Variants in TENM4 observed in about 807,000 individuals in gnomAD.
The protein encoded by TENM4 is teneurin transmembrane protein 4.
Under a neutral mutation model 243.3 loss-of-function variants are expected in TENM4, and 82 were observed. That is an observed-to-expected ratio of 0.34 (90% CI 0.28 to 0.40). TENM4 has a LOEUF of 0.40. TENM4 is among the 10% of genes least tolerant of loss of function. TENM4 has a pLI of 1.00. For synonymous variants in TENM4, 1,412 were observed against 1,456.3 expected (o/e 0.97, Z 0.69); for missense variants, 3,138 against 3,673.3 (o/e 0.85, Z 3.77).
In TENM4 at chr11:79,064,972, C is replaced by A. The variant is rs988547538; in HGVS notation, c.259G>T (p.Glu87Ter). ...NFTLRELGLE[E>*]VTPPHGTLYR... is the part of the protein sequence containing the mutation. ...AGGGTCCCGTGAGGGGGCGTTACTTCTTCCAGCCCCAGCTCCCGCAGGGTG... is the reference window on the plus strand; with the variant it reads ...AGGGTCCCGTGAGGGGGCGTTACTTATTCCAGCCCCAGCTCCCGCAGGGTG... The change falls in exon 6 of 34, where the codon GAA becomes TAA. Residue 87 changes from glutamate (E) to a stop codon, truncating the protein, a stop_gained. Transcript: ENST00000278550. LOFTEE classifies it high-confidence loss of function. The A allele has an allele frequency of 6.8e-7, 1 of 1,468,362 alleles. No homozygotes were observed. The highest frequency in any genetic ancestry group is 9.0e-7 in the Non-Finnish European group (1 of 1,105,208). The allele number at this position is 1,468,362 out of a possible 1,614,324, so 91.0% of individuals were successfully genotyped here.
intron 1 of TENM4, among the ~76,000 whole-genome samples, chr11:79,402,628 C>G (rs1858485642): frequency 6.6e-6 from 1 of 152,028 alleles, no homozygotes. Context: ...GAGGTCTGAT[C>G]CACCCCCTCC....
chr11:79,288,959 G>C (rs1164938871), intron 2 of TENM4, among the ~76,000 whole-genome samples: 2 of 152,128 alleles, frequency 1.3e-5, no homozygotes, highest in Non-Finnish European at 2.9e-5. Flanking sequence ...GTCAGAGCTT[G>C]GATGAAGTGT....
Position 78,805,281 on chromosome 11 carries a change from C to CACCCACCACCA in TENM4, c.2179+10_2179+11insTGGTGGTGGGT. On this transcript the variant is annotated intron_variant, in intron 15 of 33. Coordinates refer to ENST00000278550, the MANE Select transcript of TENM4 (RefSeq NM_001098816.3). ...TCCCTCTACCCATGCTTCTTCTCCCCCTGCATTTACCGATAGAACAGTCGT... is the reference window on the plus strand; with the variant it reads ...TCCCTCTACCCATGCTTCTTCTCCCCACCCACCACCACTGCATTTACCGATAGAACAGTCGT... The CACCCACCACCA allele has an allele frequency of 1.3e-6, 2 of 1,488,490 alleles. No individual in the cohort carries two copies. Among genetic ancestry groups the CACCCACCACCA allele is most frequent in the Non-Finnish European group, 9.1e-7 (1 of 1,097,812 alleles). 92.2% of individuals were successfully genotyped at this position (1,488,490 alleles called of 1,614,324 possible). A position where few individuals can be genotyped will look rare whatever the true frequency, so the allele number is the denominator to read the frequency against.
intron 6 of TENM4, among the ~76,000 whole-genome samples, chr11:79,010,920 G>T (rs910254872): frequency 2.2e-4 from 33 of 152,154 alleles, no homozygotes; most frequent in African/African-American, 7.5e-4. Context: ...GTCAGACTCT[G>T]CCCCTTACTA....
intron 2 of TENM4, among the ~76,000 whole-genome samples, chr11:79,294,719 G>C (rs950310059): frequency 6.6e-6 from 1 of 152,016 alleles, no homozygotes; most frequent in African/African-American, 2.4e-5. Context: ...GGTGGTGGCG[G>C]TTGCATGTAA....
chr11:79,118,242 G>A (rs1861661900), intron 4 of TENM4, among the ~76,000 whole-genome samples: 1 of 151,984 alleles, frequency 6.6e-6, no homozygotes, highest in African/African-American at 2.4e-5. Flanking sequence ...ATAAGAATAT[G>A]GTTATGAAAG....
rs373584472 is a variant in TENM4 at position 78,676,189 on chromosome 11, G to C, written c.5459C>G (p.Ala1820Gly). Reference sequence around the variant, plus strand: ...CCCAAAGACAGTGACCTGGCCCCGAGCCTGCTCTTTGCGCTGGCGCCACTC... The same window carrying C: ...CCCAAAGACAGTGACCTGGCCCCGACCCTGCTCTTTGCGCTGGCGCCACTC... ...LVEWRQRKEQ[A>G]RGQVTVFGRR... Residue 1820 changes from alanine to glycine, a missense_variant, in exon 30 of 34, where the codon GCT becomes GGT. Around this residue, in one of 2 missense-constraint regions of TENM4, gnomAD observed 2,467 missense variants for 3,059.1 expected, o/e 0.81. Transcript: ENST00000278550. 1 of 1,558,416 alleles carries C rather than the reference G, an allele frequency of 6.4e-7. No homozygotes were observed. Among genetic ancestry groups the C allele is most frequent in the Non-Finnish European group, 8.7e-7 (1 of 1,147,732 alleles).
In TENM4 at chr11:78,736,471, T is replaced by TGTGTGTGTGTGTGC. The variant is rs1158823169; in HGVS notation, c.2876+1979_2876+1980insGCACACACACACAC. 4.8e-5 allele frequency among the ~76,000 whole-genome samples: 7 copies of TGTGTGTGTGTGTGC among 144,862 alleles called. No homozygotes were observed. The East Asian group carries it at 1.4e-3, about 28-fold the overall frequency. On this transcript the variant is annotated intron_variant, in intron 20 of 33. Coordinates refer to ENST00000278550, the MANE Select transcript of TENM4 (RefSeq NM_001098816.3). Reference sequence around the variant, plus strand: ...GTGTGTGTGTGTGTGTGTGTGTGTGTGTGTGTGTGCGCGCGCGTGCATGTG... The same window carrying TGTGTGTGTGTGTGC: ...GTGTGTGTGTGTGTGTGTGTGTGTGTGTGTGTGTGTGTGCGTGTGTGTGCGCGCGCGTGCATGTG...
At chr11:79,330,371 C>G (rs1343122963) in intron 1 of TENM4, among the ~76,000 whole-genome samples, 1 of 152,144 alleles carries the variant, frequency 6.6e-6, no homozygotes, top group Non-Finnish European at 1.5e-5. Context: ...AATCGCTGGC[C>G]TCTGCTCAGT....
At chr11:78,744,075 C>A (rs895964848) in intron 19 of TENM4, among the ~76,000 whole-genome samples, 7 of 152,230 alleles carry the variant, frequency 4.6e-5, no homozygotes, top group Non-Finnish European at 1.0e-4. Context: ...GAATGGGGAT[C>A]TTTCCAGCAT....
chr11:79,009,837 G>A (rs638635), intron 6 of TENM4, among the ~76,000 whole-genome samples: 29,028 of 152,128 alleles, frequency 0.19, 3,378 homozygotes, highest in Non-Finnish European at 0.27. Context: ...GTTTGGCTCT[G>A]TGTCCCCACC....
chr11:79,114,229 G>T (rs1412422073), intron 4 of TENM4, among the ~76,000 whole-genome samples: 1 of 152,092 alleles, frequency 6.6e-6, no homozygotes, highest in Non-Finnish European at 1.5e-5. Flanking sequence ...ATACAAAGTT[G>T]TAGCTGAAGT....
At position 78,748,368 on chromosome 11, in the gene TENM4, C is replaced by T. The variant is rs1214606217; in HGVS notation, c.2756+8437G>A. On this transcript the variant is annotated intron_variant, in intron 19 of 33. Transcript: ENST00000278550. ...AAGAGACTTGTCTAAGGTCACACAGCTAGCAAACAGTGAGGCTGAGAGTCC... is the reference window on the plus strand; with the variant it reads ...AAGAGACTTGTCTAAGGTCACACAGTTAGCAAACAGTGAGGCTGAGAGTCC... 2.6e-5 allele frequency among the ~76,000 whole-genome samples: 4 copies of T among 152,218 alleles called. No homozygotes were observed. The South Asian group carries it at 8.3e-4, about 32-fold the overall frequency.
At chr11:78,783,806 G>C (rs1856883265) in intron 16 of TENM4, among the ~76,000 whole-genome samples, 2 of 152,140 alleles carry the variant, frequency 1.3e-5, no homozygotes, top group Non-Finnish European at 2.9e-5. Context: ...GAAAGATAAG[G>C]TGAGCCAAAG....
chr11:78,807,284 A>G (rs963672620), intron 14 of TENM4, among the ~76,000 whole-genome samples: 11 of 152,226 alleles, frequency 7.2e-5, no homozygotes, highest in African/African-American at 2.2e-4. Context: ...GCTGTCTTCC[A>G]TAGTAGTTCT....
chr11:78,936,611 GAAGT>G (rs1856790700), intron 6 of TENM4, among the ~76,000 whole-genome samples: 1 of 152,198 alleles, frequency 6.6e-6, no homozygotes, highest in Non-Finnish European at 1.5e-5. Flanking sequence ...CTAGCTATGG[GAAGT>G]AGGAACTGCT....
At chr11:79,097,950 T>G (rs916124968) in intron 4 of TENM4, 1 of 151,910 alleles carries the variant, frequency 6.6e-6, no homozygotes, top group African/African-American at 2.4e-5. Flanking sequence ...CATGAAACTA[T>G]ACAGATAACT....
At chr11:79,029,158 C>T (rs995786337) in intron 6 of TENM4, among the ~76,000 whole-genome samples, 2 of 152,168 alleles carry the variant, frequency 1.3e-5, no homozygotes, top group African/African-American at 4.8e-5. Flanking sequence ...ATACTCTCAT[C>T]GCAGTTTGAG....
intron 2 of TENM4, among the ~76,000 whole-genome samples, chr11:79,224,312 G>A (rs1021773353): frequency 2.6e-5 from 4 of 152,176 alleles, no homozygotes; most frequent in East Asian, 3.8e-4. Context: ...TAACAACGCC[G>A]AGTTAGTCAT....
Sources: allele counts gnomAD v4.1 joint callset (sites outside exome capture counted in the v4.1 genomes callset), GRCh38; gene constraint gnomAD v4.1.1; regional missense constraint gnomAD v4.1.1; transcripts MANE v1.5; gene names NCBI Gene and HGNC (gene_info 2026-07-23, HGNC 2026-07-21).